SMURF1: variants seen among roughly 807,000 people sequenced by gnomAD.
SMURF1 encodes the protein SMAD specific E3 ubiquitin protein ligase 1.
A neutral mutation model predicts 98.0 loss-of-function variants in SMURF1; 44 were observed. The ratio of observed to expected loss-of-function variants is 0.45; its 90% CI spans 0.35 to 0.58. The LOEUF (loss-of-function observed/expected upper bound fraction) is 0.58. SMURF1 is among the 20% of genes least tolerant of loss of function. SMURF1 has a pLI of 0.00. For missense variants in SMURF1, 687 were observed against 938.4 expected (o/e 0.73, Z 3.50); for synonymous variants, 396 against 374.9 (o/e 1.06, Z -0.65).
At chr7:99,119,256 G>A (rs1765036730) in intron 1 of SMURF1, among the ~76,000 whole-genome samples, 2 of 151,974 alleles carry the variant, frequency 1.3e-5, no homozygotes, top group Non-Finnish European at 1.5e-5. Flanking sequence ...ATTGCCTCTG[G>A]GGAAGAGAAC....
At chr7:99,060,388 A>G (rs1217338240) in intron 3 of SMURF1, among the ~76,000 whole-genome samples, 1 of 151,780 alleles carries the variant, frequency 6.6e-6, no homozygotes, top group Non-Finnish European at 1.5e-5. Context: ...CAAAAAAAAA[A>G]AAAAAAAAAG....
At chr7:99,030,781 A>T in intron 17 of SMURF1, 98 bp from the exon 18 acceptor site, 1 of 775,850 alleles carries the variant, frequency 1.3e-6, no homozygotes, top group Non-Finnish European at 2.1e-6. Context: ...GTGGGAGGGG[A>T]GAGGAATGGG....
Position 99,027,902 on chromosome 7 carries a change from C to T in SMURF1, c.*2682G>A, listed in dbSNP as rs1794747140. ...TTTGGACCATACGTCCGAACAAGCT[C>T]AGGGGTCGAAATTCGATCTGGTGGC... On this transcript the variant is annotated 3_prime_UTR_variant, in exon 18 of 18. Transcript: ENST00000361368. The T allele has an allele frequency of 6.6e-6, 1 of 152,586 alleles. No individual in the cohort carries two copies. 9.5% of individuals were successfully genotyped at this position (152,586 alleles called of 1,614,324 possible).
intron 3 of SMURF1, 89 bp downstream of exon 3, chr7:99,060,506 CCTTT>C: frequency 9.8e-6 from 7 of 710,822 alleles, no homozygotes; most frequent in Admixed American, 3.7e-5. Flanking sequence ...AAAAAGTCAT[CCTTT>C]TTTTTTTTTT....
At chr7:99,079,877 C>T (rs1214131299) in intron 1 of SMURF1, among the ~76,000 whole-genome samples, 1 of 151,776 alleles carries the variant, frequency 6.6e-6, no homozygotes, top group African/African-American at 2.4e-5. Context: ...ACACTTTCAA[C>T]TCAAGGATGA....
intron 1 of SMURF1, among the ~76,000 whole-genome samples, chr7:99,118,279 C>G (rs1446884989): frequency 6.6e-6 from 1 of 152,046 alleles, no homozygotes; most frequent in East Asian, 1.9e-4. Flanking sequence ...TCCATATGAC[C>G]CAGCATTTCC....
chr7:99,116,345 C>T (rs1469537649), intron 1 of SMURF1, among the ~76,000 whole-genome samples: 1 of 152,114 alleles, frequency 6.6e-6, no homozygotes, highest in Non-Finnish European at 1.5e-5. Context: ...GACCAAATGG[C>T]TTCCCCACTA....
In SMURF1 at chr7:99,052,443, C is replaced by A; in HGVS notation, c.483G>T (p.Thr161=). 6.5e-7 allele frequency: 1 copy of A among 1,544,704 alleles called. No individual in the cohort carries two copies. The change falls in exon 7 of 18, where the codon ACG becomes ACT. Residue 161 remains threonine (T), a synonymous_variant. Coordinates refer to ENST00000361368, the MANE Select transcript of SMURF1 (RefSeq NM_181349.3). ...TCCCAGGCCCGGAGTCTTCATACAC[C>A]GTTCTGAAAGGGACGAGAGCAGGCA... ...DCRGLLENEG[T]VYEDSGPGRP...
At chr7:99,041,828 GATC>G (rs1180990616) in intron 12 of SMURF1, among the ~76,000 whole-genome samples, 1 of 152,224 alleles carries the variant, frequency 6.6e-6, no homozygotes, top group Non-Finnish European at 1.5e-5. Flanking sequence ...TAACACATAC[GATC>G]ATCACACCAG....
At chr7:99,073,276 G>C (rs564077859) in intron 1 of SMURF1, among the ~76,000 whole-genome samples, 12 of 151,572 alleles carry the variant, frequency 7.9e-5, no homozygotes, top group Non-Finnish European at 1.2e-4. Flanking sequence ...CTACTCGGGA[G>C]ACTGAGGCAG....
intron 17 of SMURF1, 107 bp downstream of exon 17, chr7:99,032,930 A>G (rs1398790828): frequency 8.1e-7 from 1 of 1,238,600 alleles, no homozygotes; most frequent in Non-Finnish European, 1.1e-6. Context: ...TGACAAAAAT[A>G]TTTTGGCAGA....
intron 1 of SMURF1, 121 bp downstream of exon 1, chr7:99,143,605 G>A (rs1418634363): frequency 1.6e-5 from 13 of 788,784 alleles, no homozygotes; most frequent in South Asian, 4.0e-5. Flanking sequence ...GCCGAAGGGG[G>A]TGACGAGGTC....
At chr7:99,051,043 T>A in intron 8 of SMURF1, 1 of 1,462,666 alleles carries the variant, frequency 6.8e-7, no homozygotes, top group Non-Finnish European at 9.3e-7. Context: ...AACAGAGTCT[T>A]TATATTTCCT....
At chr7:99,030,787 A>C in intron 17 of SMURF1, 104 bp from the exon 18 acceptor site, 55 of 552,738 alleles carry the variant, frequency 1.0e-4, no homozygotes, top group Middle Eastern at 3.0e-4. Flanking sequence ...GGGGAGAGGA[A>C]TGGGGGGTGG....
At chr7:99,097,777 C>T (rs1379372937) in intron 1 of SMURF1, among the ~76,000 whole-genome samples, 3 of 152,146 alleles carry the variant, frequency 2.0e-5, no homozygotes, top group Non-Finnish European at 2.9e-5. Flanking sequence ...GAAATACACA[C>T]CTGGTTACTT....
chr7:99,083,086 C>A (rs1796604699), intron 1 of SMURF1, among the ~76,000 whole-genome samples: 1 of 151,956 alleles, frequency 6.6e-6, no homozygotes, highest in African/African-American at 2.4e-5. Context: ...GGCATAACAG[C>A]TAAGGGATAC....
chr7:99,036,843 TAGTC>T (rs748117032), intron 15 of SMURF1, among the ~76,000 whole-genome samples: 2 of 152,282 alleles, frequency 1.3e-5, no homozygotes, highest in Admixed American at 1.3e-4. Context: ...TCCCGGGAGT[TAGTC>T]AGATTTCCTA....
At chr7:99,062,825 G>A (rs1164845865) in intron 1 of SMURF1, among the ~76,000 whole-genome samples, 1 of 152,148 alleles carries the variant, frequency 6.6e-6, no homozygotes, top group Non-Finnish European at 1.5e-5. Flanking sequence ...TCCAGCCTGG[G>A]TGACAGAGCG....
At chr7:99,121,225 C>CAAAAAAAAAAA in intron 1 of SMURF1, 1 of 99,782 alleles carries the variant, frequency 1.0e-5, no homozygotes, top group Non-Finnish European at 2.0e-5. Flanking sequence ...AGAGTCAAAG[C>CAAAAAAAAAAA]AAAAAAAAAA....
Sources: allele counts gnomAD v4.1 joint callset (sites outside exome capture counted in the v4.1 genomes callset), GRCh38; gene constraint gnomAD v4.1.1; transcripts MANE v1.5; gene names NCBI Gene and HGNC (gene_info 2026-07-23, HGNC 2026-07-21).